Variants in CAMTA1 observed in about 807,000 individuals in gnomAD.
The protein encoded by CAMTA1 is calmodulin-binding transcription activator 1.
In CAMTA1, 27 loss-of-function variants were observed where a neutral mutation model predicts 170.9. The ratio of observed to expected loss-of-function variants is 0.16; its 90% CI spans 0.12 to 0.22. CAMTA1 has a LOEUF of 0.22. CAMTA1 is among the 10% of genes least tolerant of loss of function. The pLI is 1.00. For missense variants in CAMTA1, 1,619 were observed against 2,217.2 expected, an observed-to-expected ratio of 0.73 and a Z score of 5.42; for synonymous variants, 833 against 891.5, an observed-to-expected ratio of 0.93 and a Z score of 1.17.
Position 7,426,348 on chromosome 1 carries a change from A to T in CAMTA1, c.439-41482A>T, listed in dbSNP as rs2091874876. On this transcript the variant is annotated intron_variant, in intron 5 of 22. Transcript: ENST00000303635. The surrounding 1 kb of genome is among the most constrained non-coding windows in gnomAD (Gnocchi z 4.8). ...GTGGGTGCATGGGGCCAGCAAGGGC[A>T]GGTGGTGTCAACTCCCATCCTGGCA... is the stretch of plus-strand genomic sequence containing the variant. Among the ~76,000 whole-genome samples the T allele has an allele frequency of 6.6e-6, 1 of 152,162 alleles. No individual in the cohort carries two copies. Among genetic ancestry groups the T allele is most frequent in the African/African-American group, 2.4e-5 (1 of 41,422 alleles).
At chr1:7,540,194 C>A (rs1193169) in intron 6 of CAMTA1, among the ~76,000 whole-genome samples, 1 of 151,978 alleles carries the variant, frequency 6.6e-6, no homozygotes, top group Non-Finnish European at 1.5e-5. Context: ...TGCATAAGTG[C>A]GACTCAATGA....
In CAMTA1 at chr1:7,564,849, A is replaced by C. The variant is rs1416636236; in HGVS notation, c.511-75551A>C. On this transcript the variant is annotated intron_variant, in intron 6 of 22. Coordinates refer to ENST00000303635, the MANE Select transcript of CAMTA1 (RefSeq NM_015215.4). ...TGAGGCAGAAAAAAGGAGAGTTGAG[A>C]GGGATGAGAACAAAGAGACAATGAA... Among the ~76,000 whole-genome samples the C allele has an allele frequency of 2.0e-5, 3 of 151,894 alleles. No homozygotes were observed. In the East Asian group the frequency reaches 5.8e-4, roughly 30 times the overall value.
intron 6 of CAMTA1, among the ~76,000 whole-genome samples, chr1:7,519,537 G>T (rs2149957228): frequency 1.3e-5 from 2 of 151,982 alleles, no homozygotes; most frequent in Middle Eastern, 6.8e-3. Flanking sequence ...TCCTCAGCCA[G>T]GGACCTTCCT....
intron 3 of CAMTA1, among the ~76,000 whole-genome samples, chr1:6,986,226 G>A (rs1005517876): frequency 2.0e-5 from 3 of 152,236 alleles, no homozygotes; most frequent in Non-Finnish European, 4.4e-5. Context: ...TCTGATCCCT[G>A]CTCAGGTACT....
intron 5 of CAMTA1, among the ~76,000 whole-genome samples, chr1:7,437,978 T>G (rs890959307): frequency 6.6e-6 from 1 of 152,156 alleles, no homozygotes; most frequent in Non-Finnish European, 1.5e-5. Context: ...GGATGAGAGC[T>G]AAGAATGAAG....
chr1:7,723,506 C>T (rs192900780), intron 11 of CAMTA1, among the ~76,000 whole-genome samples: 39 of 152,294 alleles, frequency 2.6e-4, no homozygotes, highest in African/African-American at 7.2e-4. Flanking sequence ...GATACTCCCC[C>T]GTCTGCGAGG....
intron 1 of CAMTA1, among the ~76,000 whole-genome samples, chr1:6,790,054 T>C (rs1245424117): frequency 1.3e-5 from 2 of 151,972 alleles, no homozygotes; most frequent in Non-Finnish European, 2.9e-5. Context: ...CCTAAAGTGA[T>C]CCGCCTACCT....
chr1:7,091,234 A>C, intron 3 of CAMTA1, 70 bp from the exon 4 acceptor site: 1 of 1,160,748 alleles, frequency 8.6e-7, no homozygotes, highest in East Asian at 2.4e-5. Context: ...GAAACAGCAA[A>C]AACTTTCTTA....
Position 7,144,153 on chromosome 1 carries a change from A to T in CAMTA1, c.302+52782A>T, listed in dbSNP as rs553941906. 3.3e-5 allele frequency among the ~76,000 whole-genome samples: 5 copies of T among 152,192 alleles called. No homozygotes were observed. Among genetic ancestry groups the T allele is most frequent in the Non-Finnish European group, 7.3e-5 (5 of 68,044 alleles). ...GCTGGAAGTCTGAGATCAGGGTGCC[A>T]GCATGGCCAGGTTCTGGTGAGGGCT... On this transcript the variant is annotated intron_variant, in intron 4 of 22. Coordinates refer to ENST00000303635, the MANE Select transcript of CAMTA1 (RefSeq NM_015215.4). This position sits in a 1 kb window ranked among gnomAD's most constrained non-coding sequence, Gnocchi z 4.0.
chr1:7,746,198 T>G, intron 18 of CAMTA1, 107 bp downstream of exon 18: 1 of 1,356,708 alleles, frequency 7.4e-7, no homozygotes, highest in Non-Finnish European at 1.0e-6. Flanking sequence ...TTTTTTCCTC[T>G]GAATTTGTAG....
intron 6 of CAMTA1, among the ~76,000 whole-genome samples, chr1:7,640,124 T>G (rs1376880409): frequency 6.6e-6 from 1 of 152,066 alleles, no homozygotes; most frequent in Non-Finnish European, 1.5e-5. Context: ...TAGGGGACAC[T>G]GGGCAATGTC....
chr1:7,314,821 C>T (rs1557499164), intron 5 of CAMTA1, among the ~76,000 whole-genome samples: 1 of 152,218 alleles, frequency 6.6e-6, no homozygotes, highest in African/African-American at 2.4e-5. Context: ...TACACCACCC[C>T]TAAGGCCTGA....
chr1:7,019,660 T>C (rs1701073439), intron 3 of CAMTA1, among the ~76,000 whole-genome samples: 1 of 152,268 alleles, frequency 6.6e-6, no homozygotes, highest in African/African-American at 2.4e-5. Flanking sequence ...AGCCAGGGTC[T>C]GTTTGTTCTG....
At chr1:7,230,117 C>G (rs985406506) in intron 4 of CAMTA1, among the ~76,000 whole-genome samples, 1 of 152,128 alleles carries the variant, frequency 6.6e-6, no homozygotes, top group Admixed American at 6.5e-5. Context: ...GGTGTCCCCC[C>G]CCACCACATC....
At chr1:7,386,613 C>T (rs1338945811) in intron 5 of CAMTA1, among the ~76,000 whole-genome samples, 2 of 152,176 alleles carry the variant, frequency 1.3e-5, no homozygotes, top group African/African-American at 4.8e-5. Context: ...GAAGGCCGTG[C>T]ACCTTGACGA....
intron 11 of CAMTA1, among the ~76,000 whole-genome samples, chr1:7,719,274 G>A (rs1229033066): frequency 1.3e-5 from 2 of 152,116 alleles, no homozygotes; most frequent in Non-Finnish European, 2.9e-5. Flanking sequence ...TTGGAGAATA[G>A]GTTTGAGATT....
chr1:7,651,021 T>A (rs565867331), intron 7 of CAMTA1, among the ~76,000 whole-genome samples: 20 of 152,286 alleles, frequency 1.3e-4, no homozygotes, highest in African/African-American at 4.6e-4. Flanking sequence ...GAGAGGCACG[T>A]GGCCGCTCCC....
rs146252158 is a variant in CAMTA1, at chr1:7,729,114, C to CTTTTT, written c.2915-3329_2915-3325dup. Among the ~76,000 whole-genome samples, 8 of 142,274 alleles carry CTTTTT rather than the reference C, an allele frequency of 5.6e-5. 1 individual carries two copies. Among genetic ancestry groups the CTTTTT allele is most frequent in the Non-Finnish European group, 7.7e-5 (5 of 64,668 alleles). 93.3% of individuals were successfully genotyped at this position (142,274 alleles called of 152,430 possible). On this transcript the variant is annotated intron_variant, in intron 11 of 22. Transcript: ENST00000303635. ...TTTATTAGAAATTAATATGAGGAATCTTTTTTTTTCTTTTTTTTTTGAGAC... is the reference window on the plus strand; with the variant it reads ...TTTATTAGAAATTAATATGAGGAATCTTTTTTTTTTTTTTCTTTTTTTTTTGAGAC...
chr1:7,230,640 G>C (rs1374048937), intron 4 of CAMTA1, among the ~76,000 whole-genome samples: 18 of 152,306 alleles, frequency 1.2e-4, no homozygotes, highest in Non-Finnish European at 1.9e-4. Context: ...AGGAGGTGGA[G>C]GGTGGAGGGT....
Sources: gnomAD v4.1 joint callset for allele counts (sites outside exome capture counted in the v4.1 genomes callset) on GRCh38, gnomAD v4.1.1 for gene constraint, Gnocchi (gnomAD v3.1) non-coding constraint, MANE v1.5 for transcripts, NCBI Gene and HGNC (gene_info 2026-07-23, HGNC 2026-07-21) for gene names.